The following RNF128 variants were observed in gnomAD, a reference collection of about 807,000 sequenced individuals.
RNF128 encodes E3 ubiquitin-protein ligase RNF128.
Under a neutral mutation model 26.2 loss-of-function variants are expected in RNF128, and 13 were observed. That is an observed-to-expected ratio of 0.50 (90% CI 0.32 to 0.79). The LOEUF (loss-of-function observed/expected upper bound fraction) is 0.79, where lower values mean the gene tolerates loss of function less well. RNF128 is among the 30% of genes least tolerant of loss of function. The pLI is 0.03. For synonymous variants in RNF128, 149 were observed against 142.5 expected, an observed-to-expected ratio of 1.05 and a Z score of -0.32; for missense variants, 315 against 349.7, an observed-to-expected ratio of 0.90 and a Z score of 0.79.
chrX:106,718,308 T>C (rs1228695436), intron 1 of RNF128, among the ~76,000 whole-genome samples: 2 of 111,786 alleles, frequency 1.8e-5, no homozygotes, highest in Admixed American at 1.9e-4. Context: ...TTTCAATTTC[T>C]GCCCTCTTTT....
upstream of RNF128, among the ~76,000 whole-genome samples, chrX:106,726,262 TC>T (rs1602368890): frequency 1.8e-5 from 2 of 110,156 alleles, no homozygotes; most frequent in African/African-American, 3.3e-5. Flanking sequence ...TTCCTGCCCT[TC>T]CCCCCTCTAG....
At chrX:106,739,953 A>G (rs1051441529) in intron 1 of RNF128, among the ~76,000 whole-genome samples, 4 of 111,814 alleles carry the variant, frequency 3.6e-5, no homozygotes, top group Admixed American at 2.8e-4. Context: ...TGGCCAGGTC[A>G]AAATGAATAC....
At chrX:106,729,821 G>T (rs1408225866) in intron 1 of RNF128, among the ~76,000 whole-genome samples, 1 of 111,922 alleles carries the variant, frequency 8.9e-6, no homozygotes, top group Non-Finnish European at 1.9e-5. Flanking sequence ...TTGAATATTT[G>T]TTTGCAAAGT....
intron 1 of RNF128, among the ~76,000 whole-genome samples, chrX:106,698,092 C>T (rs1165274317): frequency 3.8e-5 from 4 of 105,650 alleles, no homozygotes; most frequent in South Asian, 8.8e-4. Flanking sequence ...GCAGACATGG[C>T]CTTTCAGTTC....
chrX:106,773,725 T>C (rs1356893432), intron 2 of RNF128, among the ~76,000 whole-genome samples: 1 of 110,994 alleles, frequency 9.0e-6, no homozygotes, highest in African/African-American at 3.3e-5. Context: ...TCTACCATAT[T>C]ATAACAGTGT....
chrX:106,695,265 G>A (rs1384808454), intron 1 of RNF128, among the ~76,000 whole-genome samples: 2 of 110,102 alleles, frequency 1.8e-5, no homozygotes, highest in East Asian at 2.8e-4. Context: ...CAAGGCAAGC[G>A]CTGACAGTAA....
At chrX:106,758,882 C>A (rs1366938497) in intron 1 of RNF128, among the ~76,000 whole-genome samples, 1 of 111,365 alleles carries the variant, frequency 9.0e-6, no homozygotes, top group East Asian at 2.8e-4. Context: ...GCACAGATTA[C>A]CTGAGCAATA....
At chrX:106,754,519 C>T (rs1051889985) in intron 1 of RNF128, among the ~76,000 whole-genome samples, 3 of 100,877 alleles carry the variant, frequency 3.0e-5, no homozygotes, top group African/African-American at 1.1e-4. Flanking sequence ...CTTGGCCTCC[C>T]AAAGTGCTGG....
chrX:106,772,133 T>C (rs969232841), intron 1 of RNF128, among the ~76,000 whole-genome samples: 3 of 111,121 alleles, frequency 2.7e-5, no homozygotes, highest in African/African-American at 1.0e-4. Flanking sequence ...GGAAAGATAA[T>C]GTTTGTACTT....
intron 1 of RNF128, among the ~76,000 whole-genome samples, chrX:106,756,928 T>C (rs1231821348): frequency 1.1e-5 from 1 of 89,421 alleles, no homozygotes; most frequent in African/African-American, 4.3e-5. Context: ...GCGAAGGACA[T>C]GAACAGACAC....
chrX:106,777,828 G>C (rs900802785), intron 2 of RNF128, among the ~76,000 whole-genome samples: 1 of 111,113 alleles, frequency 9.0e-6, no homozygotes, highest in Non-Finnish European at 1.9e-5. Flanking sequence ...AAATTAGCCA[G>C]GCATGGTGGC....
chrX:106,773,852 C>T (rs1930419910), intron 2 of RNF128, among the ~76,000 whole-genome samples: 1 of 111,467 alleles, frequency 9.0e-6, no homozygotes, highest in Non-Finnish European at 1.9e-5. Flanking sequence ...TCCCCCTCAG[C>T]CCCCTGATAT....
chrX:106,756,524 G>GGCTAGCCATA (rs1212771697), intron 1 of RNF128, among the ~76,000 whole-genome samples: 1 of 109,920 alleles, frequency 9.1e-6, no homozygotes, highest in African/African-American at 3.4e-5. Context: ...TGGGAAAACT[G>GGCTAGCCATA]GCTAGCCATA....
chrX:106,793,688 G>T (rs1182381178), intron 6 of RNF128, among the ~76,000 whole-genome samples: 1 of 110,896 alleles, frequency 9.0e-6, no homozygotes, highest in Non-Finnish European at 1.9e-5. Flanking sequence ...GAAGATTACT[G>T]GTCAGTTATT....
At chrX:106,740,659 T>C (rs749134039) in intron 1 of RNF128, among the ~76,000 whole-genome samples, 3 of 111,361 alleles carry the variant, frequency 2.7e-5, no homozygotes, top group Non-Finnish European at 3.8e-5. Flanking sequence ...AGCCTTGAAC[T>C]CCTGGGCTCA....
chrX:106,702,164 A>G (rs767598522), intron 1 of RNF128, among the ~76,000 whole-genome samples: 13 of 111,186 alleles, frequency 1.2e-4, no homozygotes, highest in Non-Finnish European at 2.5e-4. Flanking sequence ...TAAGGAAATC[A>G]AGATATAGTA....
chrX:106,738,003 T>A (rs1018121863), intron 1 of RNF128, among the ~76,000 whole-genome samples: 4 of 112,011 alleles, frequency 3.6e-5, no homozygotes, highest in African/African-American at 1.3e-4. Flanking sequence ...TTGACTTACT[T>A]TGAGTAATGT....
intron 1 of RNF128, among the ~76,000 whole-genome samples, chrX:106,732,849 T>C (rs1247647080): frequency 1.8e-5 from 2 of 111,832 alleles, no homozygotes; most frequent in African/African-American, 6.5e-5. Flanking sequence ...ACCAGCATTA[T>C]ATTTATGTCT....
chrX:106,749,116 T>C (rs922891092), intron 1 of RNF128, among the ~76,000 whole-genome samples: 2 of 112,072 alleles, frequency 1.8e-5, no homozygotes, highest in African/African-American at 6.5e-5. Flanking sequence ...AAATCTTGTT[T>C]AATATGAGAA....
Sources: allele counts gnomAD v4.1 joint callset (sites outside exome capture counted in the v4.1 genomes callset), GRCh38; gene constraint gnomAD v4.1.1; transcripts MANE v1.5; gene names NCBI Gene and HGNC (gene_info 2026-07-23, HGNC 2026-07-21).